Variants in PCDHGB5 observed in about 807,000 individuals in gnomAD.
PCDHGB5 encodes the protein protocadherin gamma subfamily B, 5, also known as protocadherin gamma-B5.
Under a neutral mutation model 62.9 loss-of-function variants are expected in PCDHGB5, and 48 were observed. That is an observed-to-expected ratio of 0.76 (90% CI 0.61 to 0.97). The LOEUF (loss-of-function observed/expected upper bound fraction) is 0.97. PCDHGB5 is among the 50% of genes least tolerant of loss of function. The pLI is 0.00. For missense variants in PCDHGB5, 1,118 were observed against 1,198.6 expected (o/e 0.93, Z 0.99); for synonymous variants, 474 against 511.2 (o/e 0.93, Z 0.98).
At chr5:141,461,441 T>A (rs959248029) in intron 1 of PCDHGB5, among the ~76,000 whole-genome samples, 7 of 152,194 alleles carry the variant, frequency 4.6e-5, no homozygotes, top group Admixed American at 4.6e-4. Flanking sequence ...TACCTTCTTT[T>A]GAGAAATGGC....
intron 1 of PCDHGB5, chr5:141,408,823 T>G: frequency 4.3e-6 from 7 of 1,613,568 alleles, no homozygotes; most frequent in Non-Finnish European, 5.9e-6. Flanking sequence ...AACAGAGATC[T>G]CATAGCTTGA....
intron 1 of PCDHGB5, chr5:141,422,289 T>A: frequency 1.3e-6 from 2 of 1,553,678 alleles, no homozygotes; most frequent in Non-Finnish European, 1.7e-6. Context: ...CCTCTTCTAT[T>A]AATTCAATTC....
chr5:141,506,061 G>A (rs1260513343), intron 3 of PCDHGB5, among the ~76,000 whole-genome samples: 2 of 152,144 alleles, frequency 1.3e-5, no homozygotes, highest in Non-Finnish European at 2.9e-5. Flanking sequence ...GGTTGACTAA[G>A]GGCTTCCTTT....
rs1481347884 is a variant in PCDHGB5, at chr5:141,398,025, A to T, written c.-103A>T. ...AAAAAGAATCGTTTCCTAAACTGGAACTGGAACTAAAGCCCGTTCGGAGAT... is the reference window on the plus strand; with the variant it reads ...AAAAAGAATCGTTTCCTAAACTGGATCTGGAACTAAAGCCCGTTCGGAGAT... On this transcript the variant is annotated 5_prime_UTR_variant, in exon 1 of 4. Transcript: ENST00000617380. The T allele has an allele frequency of 1.4e-6, 2 of 1,445,136 alleles. No homozygotes were observed. The highest frequency in any genetic ancestry group is 1.8e-6 in the Non-Finnish European group (2 of 1,084,046). 89.5% of individuals were successfully genotyped at this position (1,445,136 alleles called of 1,614,324 possible).
intron 1 of PCDHGB5, among the ~76,000 whole-genome samples, chr5:141,445,264 G>A (rs566395616): frequency 1.4e-4 from 22 of 152,276 alleles, no homozygotes; most frequent in Admixed American, 1.4e-3. Flanking sequence ...AATATAAGTC[G>A]AAACCACTCT....
chr5:141,488,634 G>A (rs937680420), intron 1 of PCDHGB5, among the ~76,000 whole-genome samples: 4 of 152,150 alleles, frequency 2.6e-5, no homozygotes, highest in Non-Finnish European at 4.4e-5. Context: ...CACCTTAGCA[G>A]CATTCAGCAG....
intron 2 of PCDHGB5, among the ~76,000 whole-genome samples, chr5:141,500,501 G>A (rs571735791): frequency 1.3e-5 from 2 of 152,058 alleles, no homozygotes; most frequent in Non-Finnish European, 2.9e-5. Context: ...GAGCCACCGC[G>A]CCTGGCCGAG....
intron 1 of PCDHGB5, chr5:141,420,475 A>G (rs1590231324): frequency 3.0e-6 from 2 of 665,126 alleles, no homozygotes; most frequent in Admixed American, 7.8e-5. Context: ...ATTTTAAAGC[A>G]AACTACATGG....
intron 1 of PCDHGB5, chr5:141,423,300 G>A (rs1293301567): frequency 2.5e-6 from 4 of 1,614,028 alleles, no homozygotes; most frequent in African/African-American, 1.3e-5. Context: ...CAGACCTCTC[G>A]CTGTACTTGG....
chr5:141,478,302 C>T lies in PCDHGB5; in HGVS notation c.2398-16505C>T. On this transcript the variant is annotated intron_variant, in intron 1 of 3. Transcript: ENST00000617380. ...AAGCAGTCTAGAGACCTATACCGAG[C>T]CCCGGTGAGCTCACTGTACCGAACA... 4 of 1,614,070 alleles carry T rather than the reference C, an allele frequency of 2.5e-6. No individual in the cohort carries two copies. Among genetic ancestry groups the T allele is most frequent in the Non-Finnish European group, 3.4e-6 (4 of 1,180,038 alleles).
intron 1 of PCDHGB5, chr5:141,416,346 T>A (rs2096017940): frequency 6.6e-6 from 1 of 152,238 alleles, no homozygotes; most frequent in African/African-American, 2.4e-5. Flanking sequence ...TCAATAGGGA[T>A]CCTGAGGAGG....
chr5:141,467,008 A>T (rs1319152720), intron 1 of PCDHGB5, among the ~76,000 whole-genome samples: 1 of 150,270 alleles, frequency 6.7e-6, no homozygotes, highest in African/African-American at 2.4e-5. Context: ...TTGCAATGCA[A>T]TTTTTTTCCC....
At chr5:141,428,114 C>CG in intron 1 of PCDHGB5, 2 of 1,607,202 alleles carry the variant, frequency 1.2e-6, no homozygotes, top group Non-Finnish European at 1.7e-6. Flanking sequence ...TGCAGGCCAT[C>CG]GAGCCCGGGC....
intron 1 of PCDHGB5, among the ~76,000 whole-genome samples, chr5:141,402,646 G>A (rs2094289569): frequency 6.6e-6 from 1 of 152,198 alleles, no homozygotes; most frequent in South Asian, 2.1e-4. Context: ...ATCATAATTA[G>A]AAGAGAGTAG....
At chr5:141,427,635 C>T in intron 1 of PCDHGB5, 1 of 706,280 alleles carries the variant, frequency 1.4e-6, no homozygotes, top group African/African-American at 1.7e-5. Context: ...TCCGGTTTTC[C>T]ACCAAGTCTC....
chr5:141,499,689 CTTTTTTTTT>C (rs545067566), intron 2 of PCDHGB5, among the ~76,000 whole-genome samples: 2 of 119,856 alleles, frequency 1.7e-5, no homozygotes, highest in African/African-American at 6.2e-5. Flanking sequence ...TAACAGATGA[CTTTTTTTTT>C]TTTTTTTTTT....
At chr5:141,499,679 T>G (rs2099793341) in intron 2 of PCDHGB5, among the ~76,000 whole-genome samples, 1 of 150,922 alleles carries the variant, frequency 6.6e-6, no homozygotes, top group South Asian at 2.1e-4. Context: ...CCACCATCTT[T>G]AACAGATGAC....
rs759737266 is a variant in PCDHGB5 at position 141,489,464 on chromosome 5, T to A, written c.2398-5343T>A. 5 of 1,614,030 alleles carry A rather than the reference T, an allele frequency of 3.1e-6. No homozygotes were observed. In the South Asian group the frequency reaches 3.3e-5, roughly 11 times the overall value. On this transcript the variant is annotated intron_variant, in intron 1 of 3. Transcript: ENST00000617380. The surrounding 1 kb of genome is among the most constrained non-coding windows in gnomAD (Gnocchi z 4.5). ...GGCTCTGAGGAGAATGGGCGCTATT[T>A]TTCCCTGAGCTTGATGAGTGGTGCC...
chr5:141,405,332 T>C, intron 1 of PCDHGB5: 1 of 1,614,222 alleles, frequency 6.2e-7, no homozygotes, highest in Non-Finnish European at 8.5e-7. Flanking sequence ...TTTGTGCGTC[T>C]CTGTTGATTC....
Sources: gnomAD v4.1 joint callset for allele counts (sites outside exome capture counted in the v4.1 genomes callset) on GRCh38, gnomAD v4.1.1 for gene constraint, Gnocchi (gnomAD v3.1) non-coding constraint, MANE v1.5 for transcripts, NCBI Gene and HGNC (gene_info 2026-07-23, HGNC 2026-07-21) for gene names.